The following PTPRD variants were observed in gnomAD, a reference collection of about 807,000 sequenced individuals.
PTPRD encodes the protein receptor-type tyrosine-protein phosphatase delta.
PTPRD carries 34 observed loss-of-function variants against 214.5 expected under a neutral mutation model. The observed-to-expected ratio is 0.16, with a 90% CI of 0.12 to 0.21. The LOEUF is 0.21. Among genes scored for constraint, PTPRD ranks in the 10% least tolerant of loss-of-function variants. The pLI is 1.00. For missense variants in PTPRD, 2,545 were observed against 2,398.7 expected, an observed-to-expected ratio of 1.06 and a Z score of -1.27; for synonymous variants, 1,128 against 845.7, an observed-to-expected ratio of 1.33 and a Z score of -5.79.
At chr9:9,228,691 T>C (rs1355822468) in intron 9 of PTPRD, among the ~76,000 whole-genome samples, 1 of 152,164 alleles carries the variant, frequency 6.6e-6, no homozygotes, top group East Asian at 1.9e-4. Context: ...TCTTACAATG[T>C]CATAGAGTTA....
intron 8 of PTPRD, among the ~76,000 whole-genome samples, chr9:9,409,293 T>G (rs1299385720): frequency 1.3e-5 from 2 of 152,046 alleles, no homozygotes; most frequent in Non-Finnish European, 2.9e-5. Flanking sequence ...AGCTTTAATA[T>G]ATCTTCATCA....
chr9:8,779,801 C>G (rs2095622802), intron 11 of PTPRD, among the ~76,000 whole-genome samples: 1 of 145,312 alleles, frequency 6.9e-6, no homozygotes, highest in African/African-American at 2.6e-5. Context: ...CACATTATGT[C>G]GATGTTTTGT....
intron 44 of PTPRD, among the ~76,000 whole-genome samples, chr9:8,327,685 G>T (rs548796621): frequency 3.9e-5 from 6 of 152,232 alleles, no homozygotes; most frequent in African/African-American, 1.4e-4. Flanking sequence ...CTCTTTGTAG[G>T]TCTCTAAGAA....
chr9:8,568,153 G>A (rs1478949966), intron 14 of PTPRD, among the ~76,000 whole-genome samples: 2 of 152,014 alleles, frequency 1.3e-5, no homozygotes, highest in African/African-American at 4.8e-5. Context: ...AATAGATTTT[G>A]GTTTAGTCAG....
At chr9:10,313,716 C>G (rs966341638) in intron 3 of PTPRD, among the ~76,000 whole-genome samples, 1 of 151,908 alleles carries the variant, frequency 6.6e-6, no homozygotes, top group Non-Finnish European at 1.5e-5. Context: ...TTTGCATCTG[C>G]TTCCGATGTG....
At chr9:9,781,435 GAA>G (rs2098841920) in intron 5 of PTPRD, among the ~76,000 whole-genome samples, 1 of 152,118 alleles carries the variant, frequency 6.6e-6, no homozygotes, top group African/African-American at 2.4e-5. Flanking sequence ...GGGAAAAAAA[GAA>G]AGACAACGGT....
chr9:9,485,529 T>C (rs1203666705), intron 8 of PTPRD, among the ~76,000 whole-genome samples: 1 of 152,200 alleles, frequency 6.6e-6, no homozygotes, highest in Non-Finnish European at 1.5e-5. Flanking sequence ...TAATATTCAC[T>C]GCATTTTTTC....
intron 3 of PTPRD, among the ~76,000 whole-genome samples, chr9:10,252,912 T>C (rs1017404417): frequency 1.3e-5 from 2 of 151,912 alleles, no homozygotes; most frequent in Non-Finnish European, 2.9e-5. Flanking sequence ...GCCTCCCGAG[T>C]AGCTGGGATT....
chr9:8,844,220 T>C (rs2097638967), intron 11 of PTPRD, among the ~76,000 whole-genome samples: 1 of 152,242 alleles, frequency 6.6e-6, no homozygotes, highest in Non-Finnish European at 1.5e-5. Context: ...ATCTTTTATC[T>C]ATGGATTTGC....
intron 2 of PTPRD, among the ~76,000 whole-genome samples, chr9:10,390,871 G>A (rs1364608819): frequency 6.6e-6 from 1 of 151,722 alleles, no homozygotes; most frequent in African/African-American, 2.4e-5. Flanking sequence ...AGGCTTTTGG[G>A]CTTAAAATAG....
rs753412640 is a variant in PTPRD at position 8,504,279 on chromosome 9, C to T, written c.1804G>A (p.Ala602Thr). 15 of 1,614,146 alleles carry T rather than the reference C, an allele frequency of 9.3e-6. No homozygotes were observed. Among genetic ancestry groups the T allele is most frequent in the Non-Finnish European group, 1.1e-5 (13 of 1,179,986 alleles). ...GLGASTAEISARTMQSKPSAP... is the reference protein window; with the variant it reads ...GLGASTAEISTRTMQSKPSAP... Reference sequence around the variant, plus strand: ...CACCTACTTGACTGCATGGTTCTAGCTGATATTTCTGCAGTAGAAGCACCC... The same window carrying T: ...CACCTACTTGACTGCATGGTTCTAGTTGATATTTCTGCAGTAGAAGCACCC... Residue 602 changes from alanine to threonine, a missense_variant, in exon 23 of 46, where the codon GCT (alanine) becomes ACT (threonine). Physicochemically the swap from Ala to Thr is moderately conservative, Grantham distance 58 (BLOSUM62 0). Transcript: ENST00000381196.
intron 5 of PTPRD, among the ~76,000 whole-genome samples, chr9:9,868,047 T>C (rs775713795): frequency 1.3e-5 from 2 of 152,092 alleles, no homozygotes; most frequent in Non-Finnish European, 2.9e-5. Context: ...AAAACGGCCT[T>C]CTCCTGGACC....
At chr9:9,522,223 C>T (rs1399984054) in intron 8 of PTPRD, among the ~76,000 whole-genome samples, 1 of 145,104 alleles carries the variant, frequency 6.9e-6, no homozygotes, top group Non-Finnish European at 1.5e-5. Context: ...ATAAAGTTGA[C>T]AACCTTTAAT....
chr9:8,507,542 C>T, intron 21 of PTPRD, 108 bp from the exon 22 acceptor site: 1 of 1,353,178 alleles, frequency 7.4e-7, no homozygotes, highest in Non-Finnish European at 1.0e-6. Context: ...ACACATGTAC[C>T]AGCTTAGTGG....
chr9:9,910,827 T>C (rs1011494016), intron 5 of PTPRD, among the ~76,000 whole-genome samples: 3 of 152,066 alleles, frequency 2.0e-5, no homozygotes, highest in Non-Finnish European at 4.4e-5. Context: ...GACTGAATAA[T>C]ACTTGGAAAA....
At chr9:8,534,279 C>A (rs942348395) in intron 14 of PTPRD, among the ~76,000 whole-genome samples, 8 of 151,762 alleles carry the variant, frequency 5.3e-5, no homozygotes, top group African/African-American at 1.9e-4. Context: ...AATGACACTG[C>A]AAAGAACACA....
chr9:8,346,896 G>T (rs1212058477), intron 39 of PTPRD, among the ~76,000 whole-genome samples: 2 of 152,142 alleles, frequency 1.3e-5, no homozygotes, highest in Non-Finnish European at 2.9e-5. Flanking sequence ...ATTCATGATT[G>T]TTCTGCTGTT....
intron 9 of PTPRD, among the ~76,000 whole-genome samples, chr9:9,349,762 T>A (rs2138062525): frequency 6.6e-6 from 1 of 152,128 alleles, no homozygotes; most frequent in East Asian, 1.9e-4. Context: ...CACATGTTTT[T>A]TTTTTGTGCT....
chr9:10,055,668 T>G (rs1432788368), intron 3 of PTPRD, among the ~76,000 whole-genome samples: 1 of 152,062 alleles, frequency 6.6e-6, no homozygotes, highest in Non-Finnish European at 1.5e-5. Flanking sequence ...TATTTTGCAG[T>G]ATGTGTATAT....
Sources: gnomAD v4.1 joint callset for allele counts (sites outside exome capture counted in the v4.1 genomes callset) on GRCh38, gnomAD v4.1.1 for gene constraint, MANE v1.5 for transcripts, NCBI Gene and HGNC (gene_info 2026-07-23, HGNC 2026-07-21) for gene names.